LRRC40: variants seen among roughly 807,000 people sequenced by gnomAD.
The protein encoded by LRRC40 is leucine rich repeat containing 40.
LRRC40 carries 76 observed loss-of-function variants against 72.8 expected under a neutral mutation model. That is an observed-to-expected ratio of 1.04 (90% CI 0.87 to 1.26). The LOEUF (loss-of-function observed/expected upper bound fraction) is 1.26. Ranked by LOEUF, LRRC40 falls within the 50% of genes most tolerant of loss-of-function variation. The pLI, the probability that LRRC40 is intolerant of heterozygous loss-of-function variation, is 0.00. For synonymous variants in LRRC40, 243 were observed against 254.2 expected, an observed-to-expected ratio of 0.96 and a Z score of 0.42; for missense variants, 684 against 698.9, an observed-to-expected ratio of 0.98 and a Z score of 0.24.
chr1:70,146,738 T>C (rs1667309304), intron 14 of LRRC40, among the ~76,000 whole-genome samples: 1 of 152,190 alleles, frequency 6.6e-6, no homozygotes, highest in African/African-American at 2.4e-5. Flanking sequence ...CTCCACCCCC[T>C]GCCTCCCAAA....
chr1:70,152,800 A>C (rs975988107), intron 11 of LRRC40, among the ~76,000 whole-genome samples: 1 of 152,172 alleles, frequency 6.6e-6, no homozygotes, highest in Non-Finnish European at 1.5e-5. Context: ...CACTTAAAAA[A>C]CTATTTATTT....
At chr1:70,196,134 AG>A (rs1668605328) in intron 1 of LRRC40, among the ~76,000 whole-genome samples, 2 of 152,358 alleles carry the variant, frequency 1.3e-5, no homozygotes, top group Admixed American at 1.3e-4. Flanking sequence ...AGACTATACA[AG>A]AAAGCTTATA....
Position 70,148,626 on chromosome 1 carries a change from T to C in LRRC40, c.1564A>G (p.Thr522Ala), listed in dbSNP as rs1206513901. Residue 522 changes from threonine (T) to alanine (A), a missense_variant, in exon 14 of 15, where the codon ACA becomes GCA. Physicochemically the swap from Thr to Ala is moderately conservative, Grantham distance 58. Transcript: ENST00000370952. ...EVLYRIFTLETILISNNQVGS... is the reference protein window; with the variant it reads ...EVLYRIFTLEAILISNNQVGS... ...ACCTGATTATTACTAATCAGAATTG[T>C]TTCAAGTGTGAAGATACGATATAGA... The C allele has an allele frequency of 6.2e-7, 1 of 1,612,812 alleles. No homozygotes were observed. The highest frequency in any genetic ancestry group is 8.5e-7 in the Non-Finnish European group (1 of 1,179,086).
chr1:70,190,308 T>G (rs1473267696), intron 1 of LRRC40, among the ~76,000 whole-genome samples: 3 of 151,804 alleles, frequency 2.0e-5, no homozygotes, highest in Non-Finnish European at 2.9e-5. Flanking sequence ...TTAAGTGCAG[T>G]TTTGGATGAT....
chr1:70,203,290 G>T (rs781670236), intron 1 of LRRC40, among the ~76,000 whole-genome samples: 1 of 152,198 alleles, frequency 6.6e-6, no homozygotes, highest in Non-Finnish European at 1.5e-5. Context: ...TACCTATACC[G>T]TATCTTCTGG....
intron 9 of LRRC40, among the ~76,000 whole-genome samples, chr1:70,162,478 G>A (rs898003340): frequency 6.6e-6 from 1 of 152,152 alleles, no homozygotes; most frequent in African/African-American, 2.4e-5. Context: ...TCTGAGAGTG[G>A]AGCCCAGCAA....
At chr1:70,165,369 C>A (rs1303906068) in intron 9 of LRRC40, among the ~76,000 whole-genome samples, 1 of 152,142 alleles carries the variant, frequency 6.6e-6, no homozygotes, top group Non-Finnish European at 1.5e-5. Flanking sequence ...TAAAAGAGAA[C>A]AAGATTTTTC....
chr1:70,189,372 AT>A, intron 1 of LRRC40, 99 bp from the exon 2 acceptor site: 1 of 955,552 alleles, frequency 1.0e-6, no homozygotes, highest in Non-Finnish European at 1.5e-6. Context: ...TAGCCATTCC[AT>A]TTATCTATTG....
intron 1 of LRRC40, among the ~76,000 whole-genome samples, chr1:70,204,589 T>G (rs1219382092): frequency 6.6e-6 from 1 of 152,202 alleles, no homozygotes; most frequent in South Asian, 2.1e-4. Flanking sequence ...TAATCTACTT[T>G]ATACATGTCA....
At chr1:70,203,479 A>G (rs1268015270) in intron 1 of LRRC40, among the ~76,000 whole-genome samples, 2 of 152,020 alleles carry the variant, frequency 1.3e-5, no homozygotes, top group Non-Finnish European at 2.9e-5. Flanking sequence ...ATCATAAGGC[A>G]CTACAGCCTT....
rs960584976 is a variant in LRRC40 at position 70,204,461 on chromosome 1, G to GAT, written c.151+927_151+928dup. ...TTTCAGGTTTTGGGGAAACCAAGTA[G>GAT]ATATATATATATGCACAACTGTAGT... On this transcript the variant is annotated intron_variant, in intron 1 of 14. Coordinates refer to ENST00000370952, the MANE Select transcript of LRRC40 (RefSeq NM_017768.5). 4.6e-5 allele frequency among the ~76,000 whole-genome samples: 7 copies of GAT among 151,846 alleles called. No homozygotes were observed. In the East Asian group the frequency reaches 7.7e-4, roughly 17 times the overall value.
intron 7 of LRRC40, among the ~76,000 whole-genome samples, chr1:70,174,750 T>A (rs1015772113): frequency 6.6e-6 from 1 of 152,014 alleles, no homozygotes. Flanking sequence ...ACATAGCACA[T>A]TAGTGGTTGC....
intron 5 of LRRC40, 94 bp downstream of exon 5, chr1:70,180,992 C>CTTTAG (rs1668232128): frequency 1.1e-6 from 1 of 919,018 alleles, no homozygotes; most frequent in African/African-American, 1.7e-5. Context: ...AAATCTACTA[C>CTTTAG]TTTAGTTCTC....
intron 9 of LRRC40, among the ~76,000 whole-genome samples, chr1:70,163,230 C>T (rs1340776458): frequency 1.3e-5 from 2 of 152,052 alleles, no homozygotes; most frequent in Non-Finnish European, 2.9e-5. Context: ...CACGCGCCAC[C>T]ATGGAACTTT....
intron 9 of LRRC40, among the ~76,000 whole-genome samples, chr1:70,168,632 G>C (rs900149251): frequency 6.6e-6 from 1 of 152,216 alleles, no homozygotes; most frequent in Non-Finnish European, 1.5e-5. Flanking sequence ...TGGATCTACT[G>C]AAGATACAGC....
chr1:70,199,227 A>T (rs1366167632), intron 1 of LRRC40, among the ~76,000 whole-genome samples: 1 of 150,102 alleles, frequency 6.7e-6, no homozygotes, highest in Non-Finnish European at 1.5e-5. Context: ...ACACACACAC[A>T]CACACACACA....
Position 70,144,978 on chromosome 1 carries a change from T to A in LRRC40, c.*822A>T, listed in dbSNP as rs1243094326. ...TAATAGAATCATATGGTAAGTGTTATAATGACTAATCAACCTACTTCTGAT... is the reference window on the plus strand; with the variant it reads ...TAATAGAATCATATGGTAAGTGTTAAAATGACTAATCAACCTACTTCTGAT... On this transcript the variant is annotated 3_prime_UTR_variant, in exon 15 of 15. Coordinates refer to ENST00000370952, the MANE Select transcript of LRRC40 (RefSeq NM_017768.5). 6.6e-6 allele frequency: 1 copy of A among 152,192 alleles called. No homozygotes were observed. 9.4% of individuals were successfully genotyped at this position (152,192 alleles called of 1,614,324 possible). A position where few individuals can be genotyped will look rare whatever the true frequency, so the allele number is the denominator to read the frequency against.
At chr1:70,204,522 T>C (rs908972623) in intron 1 of LRRC40, among the ~76,000 whole-genome samples, 1 of 152,138 alleles carries the variant, frequency 6.6e-6, no homozygotes, top group Non-Finnish European at 1.5e-5. Context: ...TCAAAAACTC[T>C]TTTAGGTGGA....
chr1:70,159,587 A>T (rs559714405), intron 9 of LRRC40, 149 bp from the exon 10 acceptor site: 5 of 427,052 alleles, frequency 1.2e-5, no homozygotes, highest in African/African-American at 8.2e-5. Context: ...AATGACTCAA[A>T]TCTCAATCTG....
Sources: allele counts gnomAD v4.1 joint callset (sites outside exome capture counted in the v4.1 genomes callset), GRCh38; gene constraint gnomAD v4.1.1; transcripts MANE v1.5; gene names NCBI Gene and HGNC (gene_info 2026-07-23, HGNC 2026-07-21).